The following THSD7B variants were observed in gnomAD, a reference collection of about 807,000 sequenced individuals.
THSD7B encodes the protein thrombospondin type-1 domain-containing protein 7B.
Under a neutral mutation model 213.6 loss-of-function variants are expected in THSD7B, and 138 were observed. The observed-to-expected ratio is 0.65, with a 90% CI of 0.56 to 0.74. The LOEUF is 0.74. Ranked by LOEUF, THSD7B falls within the 30% of genes least tolerant of loss-of-function variation. The probability of loss-of-function intolerance (pLI) is 0.00; values close to 1 mark genes in which losing one functional copy is unlikely to be tolerated. For missense variants in THSD7B, 1,931 were observed against 1,991.5 expected, an observed-to-expected ratio of 0.97 and a Z score of 0.58; for synonymous variants, 742 against 687.0, an observed-to-expected ratio of 1.08 and a Z score of -1.25.
intron 14 of THSD7B, among the ~76,000 whole-genome samples, chr2:137,449,673 C>G (rs886168656): frequency 6.6e-6 from 1 of 152,164 alleles, no homozygotes; most frequent in Non-Finnish European, 1.5e-5. Context: ...AGTTTCCTGT[C>G]ATGTGACCAT....
intron 12 of THSD7B, among the ~76,000 whole-genome samples, chr2:137,278,439 A>G (rs1682922569): frequency 6.6e-6 from 1 of 152,188 alleles, no homozygotes; most frequent in Admixed American, 6.6e-5. Flanking sequence ...TCCATATTAA[A>G]TTATCATTCA....
intron 15 of THSD7B, among the ~76,000 whole-genome samples, chr2:137,464,722 G>T (rs1687957501): frequency 2.0e-5 from 3 of 151,996 alleles, no homozygotes; most frequent in African/African-American, 7.2e-5. Flanking sequence ...CCATATTGAA[G>T]AGCTGCTCAA....
At chr2:136,883,619 A>G (rs1439939758) in intron 2 of THSD7B, among the ~76,000 whole-genome samples, 1 of 152,230 alleles carries the variant, frequency 6.6e-6, no homozygotes, top group African/African-American at 2.4e-5. Flanking sequence ...TTTAAAAAAT[A>G]TATGGTTAAA....
intron 1 of THSD7B, among the ~76,000 whole-genome samples, chr2:136,820,879 G>A (rs1037639039): frequency 6.6e-6 from 1 of 152,184 alleles, no homozygotes; most frequent in Non-Finnish European, 1.5e-5. Context: ...GAGAGAGGGA[G>A]AGAGACAGAG....
At chr2:137,427,715 A>G (rs539377673) in intron 14 of THSD7B, among the ~76,000 whole-genome samples, 4 of 152,158 alleles carry the variant, frequency 2.6e-5, no homozygotes, top group Non-Finnish European at 5.9e-5. Context: ...AAAGCGTACA[A>G]ACTTGCAGTA....
At chr2:136,991,438 AAG>A (rs1051160131) in intron 2 of THSD7B, among the ~76,000 whole-genome samples, 48 of 152,326 alleles carry the variant, frequency 3.2e-4, no homozygotes, top group African/African-American at 1.0e-3. Flanking sequence ...GAATTAAAAA[AAG>A]AGAGCGAGAG....
At chr2:137,236,408 A>T (rs528865045) in intron 9 of THSD7B, among the ~76,000 whole-genome samples, 1 of 152,340 alleles carries the variant, frequency 6.6e-6, no homozygotes, top group Admixed American at 6.5e-5. Flanking sequence ...AACTGATCAT[A>T]TCAGAAAATG....
In THSD7B at chr2:137,226,662, A is replaced by G. The variant is rs890788699; in HGVS notation, c.1724-4382A>G. 2.4e-4 allele frequency among the ~76,000 whole-genome samples: 36 copies of G among 151,780 alleles called. 2 individuals carry two copies. The highest frequency in any genetic ancestry group is 1.5e-5 in the Non-Finnish European group (1 of 67,814). On this transcript the variant is annotated intron_variant, in intron 7 of 27. Transcript: ENST00000409968. Reference sequence around the variant, plus strand: ...GTAGCCAGAGCCTATTCATCTGGCTATCTATGCCACAGCCCCTAGAATCAC... The same window carrying G: ...GTAGCCAGAGCCTATTCATCTGGCTGTCTATGCCACAGCCCCTAGAATCAC...
At chr2:137,206,385 G>A (rs146903308) in intron 7 of THSD7B, among the ~76,000 whole-genome samples, 301 of 152,184 alleles carry the variant, frequency 2.0e-3, no homozygotes, top group African/African-American at 6.8e-3. Context: ...AAGAATAAGC[G>A]TGAGAGTGTT....
In THSD7B at chr2:136,864,699, C is replaced by G. The variant is rs192399145; in HGVS notation, c.-35-17445C>G. Among the ~76,000 whole-genome samples the G allele has an allele frequency of 2.0e-5, 3 of 152,264 alleles. No individual in the cohort carries two copies. The East Asian group carries it at 5.8e-4, about 29-fold the overall frequency. ...CCCCGAGTAGCTGGGACCACAGGCT[C>G]CAGCCACCATGCCCGGCTAGTTTTT... On this transcript the variant is annotated intron_variant, in intron 1 of 27. Coordinates refer to ENST00000409968, the MANE Select transcript of THSD7B (RefSeq NM_001316349.2).
At chr2:137,066,731 T>C (rs1448878187) in intron 3 of THSD7B, among the ~76,000 whole-genome samples, 2 of 152,152 alleles carry the variant, frequency 1.3e-5, no homozygotes, top group Non-Finnish European at 1.5e-5. Flanking sequence ...TATGATTTGG[T>C]GTCTGCCATA....
intron 1 of THSD7B, among the ~76,000 whole-genome samples, chr2:136,791,101 T>C (rs1467279442): frequency 1.3e-5 from 2 of 151,512 alleles, no homozygotes; most frequent in Non-Finnish European, 2.9e-5. Context: ...CATTGGAGAG[T>C]TGGTGATAAT....
At chr2:137,281,303 AT>A (rs1573930844) in intron 12 of THSD7B, among the ~76,000 whole-genome samples, 1 of 152,036 alleles carries the variant, frequency 6.6e-6, no homozygotes, top group Admixed American at 6.6e-5. Flanking sequence ...GGGAAAAAAA[AT>A]TGAGCAAAAT....
At chr2:137,559,565 A>T (rs971275356) in intron 15 of THSD7B, among the ~76,000 whole-genome samples, 1 of 152,210 alleles carries the variant, frequency 6.6e-6, no homozygotes. Flanking sequence ...AAATTAATTC[A>T]GGATGGACTA....
At chr2:137,161,306 A>C (rs1195390596) in intron 6 of THSD7B, among the ~76,000 whole-genome samples, 1 of 152,204 alleles carries the variant, frequency 6.6e-6, no homozygotes, top group Non-Finnish European at 1.5e-5. Flanking sequence ...AGTACTAAAA[A>C]AAATATTTCC....
chr2:137,579,712 T>C (rs1681536440), intron 17 of THSD7B, among the ~76,000 whole-genome samples: 1 of 152,210 alleles, frequency 6.6e-6, no homozygotes, highest in Non-Finnish European at 1.5e-5. Context: ...AGAGTCCAAA[T>C]CAAGTTCCAA....
intron 5 of THSD7B, among the ~76,000 whole-genome samples, chr2:137,147,528 G>GT (rs375664605): frequency 0.01 from 1,483 of 147,572 alleles, 17 homozygotes; most frequent in African/African-American, 0.029. Context: ...ACCTTGTCTG[G>GT]TTTTTTTTTT....
chr2:136,776,965 C>G (rs1681620966), intron 1 of THSD7B, among the ~76,000 whole-genome samples: 1 of 152,012 alleles, frequency 6.6e-6, no homozygotes, highest in African/African-American at 2.4e-5. Flanking sequence ...GAAGAGGAGG[C>G]AAACGATTCA....
intron 1 of THSD7B, among the ~76,000 whole-genome samples, chr2:136,830,342 A>AT (rs1396599648): frequency 1.3e-5 from 2 of 152,138 alleles, no homozygotes; most frequent in Non-Finnish European, 2.9e-5. Context: ...CATAATGAAC[A>AT]TTTTCTTCCA....
Sources: allele counts gnomAD v4.1 joint callset (sites outside exome capture counted in the v4.1 genomes callset), GRCh38; gene constraint gnomAD v4.1.1; transcripts MANE v1.5; gene names NCBI Gene and HGNC (gene_info 2026-07-23, HGNC 2026-07-21).